The following KIF26B variants were observed in gnomAD, a reference collection of about 807,000 sequenced individuals.
KIF26B encodes kinesin family member 26B.
A neutral mutation model predicts 151.2 loss-of-function variants in KIF26B; 63 were observed. That is an observed-to-expected ratio of 0.42 (90% CI 0.34 to 0.51). KIF26B has a LOEUF of 0.51. Among genes scored for constraint, KIF26B ranks in the 20% least tolerant of loss-of-function variants. The pLI is 0.07. For synonymous variants in KIF26B, 1,357 were observed against 1,262.1 expected, an observed-to-expected ratio of 1.08 and a Z score of -1.59; for missense variants, 2,813 against 2,913.6, an observed-to-expected ratio of 0.97 and a Z score of 0.79.
intron 4 of KIF26B, among the ~76,000 whole-genome samples, chr1:245,528,280 G>C (rs897293985): frequency 6.6e-6 from 1 of 152,184 alleles, no homozygotes; most frequent in African/African-American, 2.4e-5. Context: ...AGAAGAGCGA[G>C]TAGAATTGGG....
At chr1:245,513,840 G>C (rs1660889640) in intron 4 of KIF26B, among the ~76,000 whole-genome samples, 1 of 152,134 alleles carries the variant, frequency 6.6e-6, no homozygotes, top group Non-Finnish European at 1.5e-5. Context: ...GAGCTAATTG[G>C]CCTTAGTGTT....
intron 6 of KIF26B, among the ~76,000 whole-genome samples, chr1:245,607,143 T>C (rs1484310481): frequency 6.6e-6 from 1 of 151,084 alleles, no homozygotes. Context: ...AAAGCAGATA[T>C]ATATCACAAA....
At chr1:245,633,441 C>T (rs935195735) in intron 9 of KIF26B, among the ~76,000 whole-genome samples, 4 of 151,952 alleles carry the variant, frequency 2.6e-5, no homozygotes, top group African/African-American at 7.3e-5. Flanking sequence ...TTCCTTTCTT[C>T]CTCTTGTATT....
At chr1:245,640,161 A>ATGTC (rs2043878185) in intron 9 of KIF26B, among the ~76,000 whole-genome samples, 1 of 23,514 alleles carries the variant, frequency 4.3e-5, no homozygotes, top group African/African-American at 1.6e-4. Flanking sequence ...ATATATATAT[A>ATGTC]CCCTGCTATT....
At chr1:245,377,089 A>T (rs1673295105) in intron 3 of KIF26B, among the ~76,000 whole-genome samples, 1 of 151,320 alleles carries the variant, frequency 6.6e-6, no homozygotes, top group Non-Finnish European at 1.5e-5. Flanking sequence ...TAATTTTTGT[A>T]CTTTTAGTAG....
intron 2 of KIF26B, among the ~76,000 whole-genome samples, chr1:245,194,204 T>C (rs959178697): frequency 6.6e-6 from 1 of 152,156 alleles, no homozygotes; most frequent in African/African-American, 2.4e-5. Flanking sequence ...AGAGGCCTAA[T>C]TCATCGTGGT....
intron 3 of KIF26B, among the ~76,000 whole-genome samples, chr1:245,397,712 G>C (rs777054359): frequency 7.9e-5 from 12 of 152,312 alleles, no homozygotes; most frequent in Non-Finnish European, 1.3e-4. Context: ...GGCTGGATCA[G>C]ACAGAGAAAA....
At position 245,169,328 on chromosome 1, in the gene KIF26B, G is replaced by GGTGTGTGGGTGTGTGTGTGT. The variant is rs56332945; in HGVS notation, c.465+12652_465+12653insGGTGTGTGTGTGTGTGTGTG. Reference sequence around the variant, plus strand: ...TGCACTCGACTTTCTAACGGGCCATGGTGTGTGTGTGTGTGTGTGTGTGTG... The same window carrying GGTGTGTGGGTGTGTGTGTGT: ...TGCACTCGACTTTCTAACGGGCCATGGTGTGTGGGTGTGTGTGTGTGTGTGTGTGTGTGTGTGTGTGTGTG... On this transcript the variant is annotated intron_variant, in intron 2 of 14. Transcript: ENST00000407071. Among the ~76,000 whole-genome samples, 163 of 134,174 alleles carry GGTGTGTGGGTGTGTGTGTGT rather than the reference G, an allele frequency of 1.2e-3. 1 individual carries two copies. Among genetic ancestry groups the GGTGTGTGGGTGTGTGTGTGT allele is most frequent in the South Asian group, 2.2e-3 (9 of 4,036 alleles). The allele number at this position is 134,174 out of a possible 152,430, so 88.0% of individuals were successfully genotyped here. A position where few individuals can be genotyped will look rare whatever the true frequency, so the allele number is the denominator to read the frequency against.
At chr1:245,397,776 G>T (rs1223222592) in intron 3 of KIF26B, among the ~76,000 whole-genome samples, 4 of 152,186 alleles carry the variant, frequency 2.6e-5, no homozygotes, top group Non-Finnish European at 5.9e-5. Context: ...TAGTTTGGAA[G>T]AGACAGCGGA....
At chr1:245,252,839 A>G (rs1032494815) in intron 2 of KIF26B, among the ~76,000 whole-genome samples, 4 of 152,054 alleles carry the variant, frequency 2.6e-5, no homozygotes, top group East Asian at 1.9e-4. Flanking sequence ...GACTGCTTCT[A>G]TCACTTAGCC....
At chr1:245,179,788 G>A (rs1299254441) in intron 2 of KIF26B, among the ~76,000 whole-genome samples, 2 of 152,204 alleles carry the variant, frequency 1.3e-5, no homozygotes, top group Admixed American at 6.5e-5. Context: ...GAAAGACCAG[G>A]GGTGGACCTT....
At chr1:245,291,975 A>G (rs1360630513) in intron 2 of KIF26B, among the ~76,000 whole-genome samples, 1 of 152,140 alleles carries the variant, frequency 6.6e-6, no homozygotes, top group Non-Finnish European at 1.5e-5. Context: ...GAGCCAAGGC[A>G]CTTTCCCAAG....
At chr1:245,255,433 C>T (rs1473300983) in intron 2 of KIF26B, among the ~76,000 whole-genome samples, 2 of 152,210 alleles carry the variant, frequency 1.3e-5, no homozygotes, top group Non-Finnish European at 2.9e-5. Context: ...GTGTGAAACC[C>T]ATTTAGATTG....
At chr1:245,257,029 C>A (rs1407947258) in intron 2 of KIF26B, among the ~76,000 whole-genome samples, 3 of 152,174 alleles carry the variant, frequency 2.0e-5, no homozygotes, top group Non-Finnish European at 4.4e-5. Context: ...TCTATTCTCT[C>A]CAAAGCCTGC....
At chr1:245,627,548 G>A (rs1207270819) in intron 9 of KIF26B, among the ~76,000 whole-genome samples, 1 of 152,028 alleles carries the variant, frequency 6.6e-6, no homozygotes, top group Non-Finnish European at 1.5e-5. Context: ...ATCTCAGATC[G>A]ACACCTTAAC....
At chr1:245,447,148 G>A (rs1178215909) in intron 4 of KIF26B, among the ~76,000 whole-genome samples, 1 of 152,158 alleles carries the variant, frequency 6.6e-6, no homozygotes, top group African/African-American at 2.4e-5. Flanking sequence ...TCAAGCTGGT[G>A]CCTTCCTGGT....
chr1:245,364,422 CT>C (rs763619030), intron 2 of KIF26B, among the ~76,000 whole-genome samples: 5,674 of 98,908 alleles, frequency 0.057, 54 homozygotes, highest in Non-Finnish European at 0.068. Flanking sequence ...CTCTCTCTCT[CT>C]TTTTTTTTTT....
At chr1:245,211,910 G>A (rs906444187) in intron 2 of KIF26B, among the ~76,000 whole-genome samples, 1 of 152,272 alleles carries the variant, frequency 6.6e-6, no homozygotes, top group Admixed American at 6.5e-5. Flanking sequence ...TTTCCATTCG[G>A]CCTGCACCCA....
chr1:245,386,702 T>A (rs1673554919), intron 3 of KIF26B, among the ~76,000 whole-genome samples: 1 of 152,218 alleles, frequency 6.6e-6, no homozygotes, highest in African/African-American at 2.4e-5. Context: ...TCTCCATCGA[T>A]AAGATATGCA....
Sources: allele counts gnomAD v4.1 joint callset (sites outside exome capture counted in the v4.1 genomes callset), GRCh38; gene constraint gnomAD v4.1.1; transcripts MANE v1.5; gene names NCBI Gene and HGNC (gene_info 2026-07-23, HGNC 2026-07-21).